ADHFE1: variants seen among roughly 807,000 people sequenced by gnomAD.
The protein encoded by ADHFE1 is alcohol dehydrogenase iron containing 1.
A neutral mutation model predicts 54.8 loss-of-function variants in ADHFE1; 37 were observed. The ratio of observed to expected loss-of-function variants is 0.68; its 90% confidence interval spans 0.52 to 0.89. The LOEUF (loss-of-function observed/expected upper bound fraction) is 0.89, where lower values mean the gene tolerates loss of function less well. Among genes scored for constraint, ADHFE1 ranks in the 40% least tolerant of loss-of-function variants. The pLI, the probability that ADHFE1 is intolerant of heterozygous loss-of-function variation, is 0.00. For missense variants in ADHFE1, 601 were observed against 591.2 expected, an observed-to-expected ratio of 1.02 and a Z score of -0.17; for synonymous variants, 203 against 229.3, an observed-to-expected ratio of 0.89 and a Z score of 1.04.
chr8:66,437,813 C>T (rs1337309969), intron 1 of ADHFE1, among the ~76,000 whole-genome samples: 1 of 152,090 alleles, frequency 6.6e-6, no homozygotes, highest in East Asian at 1.9e-4. Context: ...CGTTTTAACA[C>T]GGAGGGAGGC....
chr8:66,439,490 A>G lies in ADHFE1; in HGVS notation c.60-672A>G. On this transcript the variant is annotated intron_variant, in intron 1 of 13. Coordinates refer to ENST00000396623, the MANE Select transcript of ADHFE1 (RefSeq NM_144650.3). The surrounding 1 kb of genome is among the most constrained non-coding windows in gnomAD (Gnocchi z 4.4). ...AAAAAGGAGGACGTGGGAAATCTGT[A>G]GAGAAGTCGACCGAGAAGTGAGATG... The G allele has an allele frequency of 1.0e-6, 1 of 986,068 alleles. No homozygotes were observed. The highest frequency in any genetic ancestry group is 1.2e-6 in the Non-Finnish European group (1 of 830,322). The allele number at this position is 986,068 out of a possible 1,614,324, so 61.1% of individuals were successfully genotyped here.
intron 9 of ADHFE1, among the ~76,000 whole-genome samples, chr8:66,453,281 C>T (rs1196527659): frequency 1.3e-5 from 2 of 152,118 alleles, no homozygotes; most frequent in African/African-American, 4.8e-5. Context: ...CAGGAACACC[C>T]AACCATTCCA....
chr8:66,444,449 T>A, intron 4 of ADHFE1, 29 bp downstream of exon 4: 1 of 1,612,384 alleles, frequency 6.2e-7, no homozygotes, highest in Non-Finnish European at 8.5e-7. Flanking sequence ...TACGGTCTCC[T>A]ACTGTAAATG....
intron 8 of ADHFE1, 102 bp from the exon 9 acceptor site, chr8:66,451,851 G>A (rs984523768): frequency 1.7e-5 from 24 of 1,403,218 alleles, no homozygotes; most frequent in African/African-American, 4.3e-5. Context: ...TATATCCACT[G>A]TGGGTTGAGT....
intron 9 of ADHFE1, among the ~76,000 whole-genome samples, chr8:66,452,888 C>A (rs1295138054): frequency 1.3e-5 from 2 of 152,218 alleles, no homozygotes; most frequent in Non-Finnish European, 2.9e-5. Flanking sequence ...GTCAGACTCA[C>A]GTTTGTATTT....
In ADHFE1 at chr8:66,432,536, C is replaced by A; in HGVS notation, c.20C>A (p.Ala7Asp). Residue 7 changes from alanine (A) to aspartate (D), a missense_variant, in exon 1 of 14, where the codon GCC (alanine) becomes GAC (aspartate). Transcript: ENST00000396623. MAAAARARVAYLLRQLQ... is the reference protein window; with the variant it reads MAAAARDRVAYLLRQLQ... ...AGCGCCATGGCCGCTGCCGCCCGAG[C>A]CCGGGTCGCGTACTTGCTGAGGCAA... 7.4e-7 allele frequency: 1 copy of A among 1,359,760 alleles called. No homozygotes were observed. The highest frequency in any genetic ancestry group is 1.5e-5 in the African/African-American group (1 of 66,770). 84.2% of individuals were successfully genotyped at this position (1,359,760 alleles called of 1,614,324 possible). A position where few individuals can be genotyped will look rare whatever the true frequency, so the allele number is the denominator to read the frequency against.
intron 6 of ADHFE1, among the ~76,000 whole-genome samples, chr8:66,446,622 C>T (rs556004899): frequency 6.6e-6 from 1 of 152,024 alleles, no homozygotes; most frequent in African/African-American, 2.4e-5. Flanking sequence ...TATGTTAATA[C>T]AGACAGACAC....
At chr8:66,456,985 A>G in intron 11 of ADHFE1, 85 bp from the exon 12 acceptor site, 2 of 1,503,804 alleles carry the variant, frequency 1.3e-6, no homozygotes, top group Admixed American at 2.0e-5. Flanking sequence ...TGCTTAGAGT[A>G]TGGGGTAAAG....
At chr8:66,447,842 A>G (rs921048366) in intron 7 of ADHFE1, among the ~76,000 whole-genome samples, 4 of 152,212 alleles carry the variant, frequency 2.6e-5, no homozygotes, top group African/African-American at 7.2e-5. Flanking sequence ...TACTGACTGT[A>G]TACCAATGAT....
At chr8:66,467,941 G>A (rs1013128648) in intron 13 of ADHFE1, among the ~76,000 whole-genome samples, 1 of 152,214 alleles carries the variant, frequency 6.6e-6, no homozygotes, top group Non-Finnish European at 1.5e-5. Context: ...AGCTCTGTGT[G>A]TACAGAGAAC....
At chr8:66,464,412 C>A (rs1241217236) in intron 13 of ADHFE1, among the ~76,000 whole-genome samples, 2 of 152,264 alleles carry the variant, frequency 1.3e-5, no homozygotes, top group East Asian at 3.9e-4. Context: ...ATGTCAAGGG[C>A]CTTTGAGCTC....
intron 8 of ADHFE1, 129 bp downstream of exon 8, chr8:66,449,099 AC>A (rs11299684): frequency 0.16 from 126,260 of 779,930 alleles, 11,904 homozygotes; most frequent in Non-Finnish European, 0.19. Flanking sequence ...GGCTGTCATT[AC>A]CCCCTGTCCT....
intron 13 of ADHFE1, among the ~76,000 whole-genome samples, chr8:66,465,655 A>G (rs949067806): frequency 2.0e-5 from 3 of 152,120 alleles, no homozygotes; most frequent in Non-Finnish European, 4.4e-5. Flanking sequence ...GCTGGAGTGC[A>G]GTGGTGCAAT....
At chr8:66,453,359 T>G (rs1297330447) in intron 9 of ADHFE1, among the ~76,000 whole-genome samples, 1 of 152,188 alleles carries the variant, frequency 6.6e-6, no homozygotes, top group African/African-American at 2.4e-5. Flanking sequence ...ACAGGAACTC[T>G]TACGCAAGGC....
intron 1 of ADHFE1, among the ~76,000 whole-genome samples, chr8:66,435,151 A>G (rs1230010715): frequency 2.0e-5 from 3 of 152,174 alleles, no homozygotes; most frequent in African/African-American, 7.2e-5. Flanking sequence ...CAGAGAACAT[A>G]AAGGAGGCTG....
In ADHFE1 at chr8:66,439,905, A is replaced by G. The variant is rs891822654; in HGVS notation, c.60-257A>G. On this transcript the variant is annotated intron_variant, in intron 1 of 13. Coordinates refer to ENST00000396623, the MANE Select transcript of ADHFE1 (RefSeq NM_144650.3). The surrounding 1 kb of genome is among the most constrained non-coding windows in gnomAD (Gnocchi z 4.4). ...GCGTTTATCTCAGCTGCCCGCAGGC[A>G]TTTGATAGGAATTGCTAGAGTAAAT... Among the ~76,000 whole-genome samples, 6 of 152,186 alleles carry G rather than the reference A, an allele frequency of 3.9e-5. No individual in the cohort carries two copies. The highest frequency in any genetic ancestry group is 1.4e-4 in the African/African-American group (6 of 41,446).
intron 1 of ADHFE1, among the ~76,000 whole-genome samples, chr8:66,438,019 C>T (rs569211213): frequency 6.6e-6 from 1 of 152,208 alleles, no homozygotes; most frequent in East Asian, 1.9e-4. Flanking sequence ...TTAATTTTTC[C>T]GGGAGCCCAA....
At chr8:66,441,029 A>G (rs745380272) in intron 2 of ADHFE1, among the ~76,000 whole-genome samples, 2 of 152,224 alleles carry the variant, frequency 1.3e-5, no homozygotes, top group African/African-American at 4.8e-5. Context: ...ACTGTCATCT[A>G]TGAGACAGAA....
Position 66,468,568 on chromosome 8 carries a change from G to A in ADHFE1, c.*216G>A. 3.3e-6 allele frequency: 1 copy of A among 306,102 alleles called. No individual in the cohort carries two copies. The highest frequency in any genetic ancestry group is 6.0e-6 in the Non-Finnish European group (1 of 166,082). 19.0% of individuals were successfully genotyped at this position (306,102 alleles called of 1,614,324 possible). On this transcript the variant is annotated 3_prime_UTR_variant, in exon 14 of 14. Transcript: ENST00000396623. ...AAATGACCACTATGTTAGACCCCCA[G>A]GCTCGACTTCAGGGGTCAGTGTTCC...
Sources: gnomAD v4.1 joint callset for allele counts (sites outside exome capture counted in the v4.1 genomes callset) on GRCh38, gnomAD v4.1.1 for gene constraint, Gnocchi (gnomAD v3.1) non-coding constraint, MANE v1.5 for transcripts, NCBI Gene and HGNC (gene_info 2026-07-23, HGNC 2026-07-21) for gene names.